LSAMP: variants seen among roughly 807,000 people sequenced by gnomAD.
The protein encoded by LSAMP is limbic system associated membrane protein.
LSAMP carries 7 observed loss-of-function variants against 38.6 expected under a neutral mutation model. That is an observed-to-expected ratio of 0.18 (90% CI 0.10 to 0.34). The LOEUF (loss-of-function observed/expected upper bound fraction) is 0.34. Ranked by LOEUF, LSAMP falls within the 10% of genes least tolerant of loss-of-function variation. The pLI, the probability that LSAMP is intolerant of heterozygous loss-of-function variation, is 1.00. For missense variants in LSAMP, 313 were observed against 420.0 expected (o/e 0.75, Z 2.23); for synonymous variants, 154 against 166.8 (o/e 0.92, Z 0.59).
At chr3:116,109,039 C>A (rs575517070) in intron 1 of LSAMP, among the ~76,000 whole-genome samples, 8 of 152,062 alleles carry the variant, frequency 5.3e-5, no homozygotes, top group African/African-American at 1.9e-4. Context: ...GAGAATAAGA[C>A]GGCCTTTTGA....
At position 116,398,649 on chromosome 3, in the gene LSAMP, A is replaced by G. The variant is rs541194285; in HGVS notation, c.155+46228T>C. ...AAAAGTGTATTTAGGGAGGGTGAGG[A>G]ATATTCAGCTTCTAATTGGTAGAAG... On this transcript the variant is annotated intron_variant, in intron 1 of 6. Coordinates refer to ENST00000490035, the MANE Select transcript of LSAMP (RefSeq NM_002338.5). Among the ~76,000 whole-genome samples, 3 of 152,342 alleles carry G rather than the reference A, an allele frequency of 2.0e-5. No homozygotes were observed. The South Asian group carries it at 6.2e-4, about 32-fold the overall frequency.
intron 1 of LSAMP, among the ~76,000 whole-genome samples, chr3:116,218,786 T>C (rs1408503751): frequency 2.6e-5 from 4 of 152,186 alleles, no homozygotes; most frequent in Admixed American, 1.3e-4. Flanking sequence ...TAGCTAGGAC[T>C]GAAGTTGCAT....
chr3:116,113,242 A>G (rs894937936), intron 1 of LSAMP, among the ~76,000 whole-genome samples: 1 of 151,508 alleles, frequency 6.6e-6, no homozygotes, highest in Admixed American at 6.6e-5. Context: ...GATTTAGAAA[A>G]AAAGAATAAG....
At chr3:115,953,452 A>G (rs1202274580) in intron 3 of LSAMP, among the ~76,000 whole-genome samples, 1 of 120,398 alleles carries the variant, frequency 8.3e-6, no homozygotes, top group African/African-American at 2.9e-5. Context: ...CAATGTCTAA[A>G]ATACACCAAA....
At chr3:116,092,475 G>C (rs891498229) in intron 1 of LSAMP, among the ~76,000 whole-genome samples, 2 of 152,050 alleles carry the variant, frequency 1.3e-5, no homozygotes, top group Non-Finnish European at 2.9e-5. Context: ...TCAAATATTA[G>C]ATGGGTTACC....
chr3:115,993,509 C>T (rs1165905948), intron 3 of LSAMP, among the ~76,000 whole-genome samples: 1 of 151,950 alleles, frequency 6.6e-6, no homozygotes, highest in Non-Finnish European at 1.5e-5. Flanking sequence ...TTCATCTATT[C>T]CACTTTTGAA....
At chr3:116,115,385 A>G (rs1361178733) in intron 1 of LSAMP, among the ~76,000 whole-genome samples, 1 of 152,210 alleles carries the variant, frequency 6.6e-6, no homozygotes, top group Non-Finnish European at 1.5e-5. Context: ...GTCACCGGTC[A>G]ATTATTTGCT....
intron 4 of LSAMP, among the ~76,000 whole-genome samples, chr3:115,852,164 A>T (rs2107522505): frequency 6.6e-6 from 1 of 152,348 alleles, no homozygotes; most frequent in South Asian, 2.1e-4. Context: ...TTTCTAAAGT[A>T]GTATGACCTT....
chr3:116,354,845 ATGTGTGTGTG>A (rs56975134), intron 1 of LSAMP, among the ~76,000 whole-genome samples: 15 of 146,316 alleles, frequency 1.0e-4, no homozygotes, highest in African/African-American at 2.5e-4. Flanking sequence ...GGGTGTATAT[ATGTGTGTGTG>A]TGTGTGTGTG....
At chr3:116,175,224 T>G (rs1452337848) in intron 1 of LSAMP, among the ~76,000 whole-genome samples, 1 of 152,130 alleles carries the variant, frequency 6.6e-6, no homozygotes, top group East Asian at 1.9e-4. Context: ...TTGCTTGCTT[T>G]CTTCTTTTTC....
intron 3 of LSAMP, among the ~76,000 whole-genome samples, chr3:115,865,623 A>G (rs1421983033): frequency 1.3e-5 from 2 of 152,164 alleles, no homozygotes; most frequent in Admixed American, 1.3e-4. Flanking sequence ...ATCACACTGG[A>G]AACTGCTAAT....
chr3:116,301,948 C>CCAT (rs1244437323), intron 1 of LSAMP, among the ~76,000 whole-genome samples: 2 of 152,164 alleles, frequency 1.3e-5, no homozygotes, highest in African/African-American at 4.8e-5. Flanking sequence ...ACCCACATTT[C>CCAT]CATCACCCAG....
intron 1 of LSAMP, among the ~76,000 whole-genome samples, chr3:116,299,001 A>T (rs28438410): frequency 1.3e-5 from 2 of 151,966 alleles, no homozygotes; most frequent in African/African-American, 2.4e-5. Flanking sequence ...CCAAAATTTT[A>T]AAAAAGATAT....
chr3:116,115,037 G>T (rs1341087768), intron 1 of LSAMP, among the ~76,000 whole-genome samples: 2 of 152,128 alleles, frequency 1.3e-5, no homozygotes, highest in Non-Finnish European at 2.9e-5. Flanking sequence ...ATAATTGTTT[G>T]CAGGTTTTGT....
intron 6 of LSAMP, among the ~76,000 whole-genome samples, chr3:115,820,468 T>A (rs956748930): frequency 1.3e-5 from 2 of 152,196 alleles, no homozygotes; most frequent in African/African-American, 4.8e-5. Flanking sequence ...TAGCTCCTGA[T>A]GAGGTGGTAG....
At chr3:116,115,842 T>C (rs530435034) in intron 1 of LSAMP, among the ~76,000 whole-genome samples, 2 of 152,210 alleles carry the variant, frequency 1.3e-5, no homozygotes, top group South Asian at 4.1e-4. Context: ...TGTTGTTTTT[T>C]GTTTCTTTTT....
chr3:116,281,255 G>T (rs1374148715), intron 1 of LSAMP, among the ~76,000 whole-genome samples: 1 of 152,154 alleles, frequency 6.6e-6, no homozygotes, highest in Admixed American at 6.5e-5. Context: ...GGCAGGGGAG[G>T]ATAAGTTATA....
At chr3:115,939,690 AACT>A (rs1359014947) in intron 3 of LSAMP, among the ~76,000 whole-genome samples, 3 of 151,872 alleles carry the variant, frequency 2.0e-5, no homozygotes, top group African/African-American at 7.3e-5. Flanking sequence ...AAGTATCTGA[AACT>A]ATAGGCACAC....
chr3:115,996,086 G>A (rs1939807634), intron 3 of LSAMP, among the ~76,000 whole-genome samples: 1 of 151,756 alleles, frequency 6.6e-6, no homozygotes, highest in Non-Finnish European at 1.5e-5. Context: ...TAATCCACAA[G>A]GAATATGTGA....
Sources: gnomAD v4.1 joint callset for allele counts (sites outside exome capture counted in the v4.1 genomes callset) on GRCh38, gnomAD v4.1.1 for gene constraint, MANE v1.5 for transcripts, NCBI Gene and HGNC (gene_info 2026-07-23, HGNC 2026-07-21) for gene names.